Variants in NKAIN1 observed in about 807,000 individuals in gnomAD.
NKAIN1 encodes sodium/potassium-transporting ATPase subunit beta-1-interacting protein 1.
Under a neutral mutation model 31.6 loss-of-function variants are expected in NKAIN1, and 13 were observed. That is an observed-to-expected ratio of 0.41 (90% CI 0.27 to 0.65). NKAIN1 has a LOEUF of 0.65. NKAIN1 is among the 30% of genes least tolerant of loss of function. The pLI is 0.30. For missense variants in NKAIN1, 193 were observed against 262.2 expected (o/e 0.74, Z 1.82); for synonymous variants, 104 against 109.0 (o/e 0.95, Z 0.28).
chr1:31,208,283 CAGA>C (rs1376827564), intron 1 of NKAIN1, among the ~76,000 whole-genome samples: 3 of 152,158 alleles, frequency 2.0e-5, no homozygotes, highest in Non-Finnish European at 4.4e-5. Context: ...ATGCCTGGTA[CAGA>C]AGAAGCACCC....
At chr1:31,191,220 G>A (rs941251867) in intron 1 of NKAIN1, among the ~76,000 whole-genome samples, 2 of 151,848 alleles carry the variant, frequency 1.3e-5, no homozygotes, top group Non-Finnish European at 2.9e-5. Flanking sequence ...GAGCCTGGGA[G>A]GCAGAGGCTG....
chr1:31,185,201 G>T, intron 3 of NKAIN1, 46 bp downstream of exon 3: 2 of 1,497,492 alleles, frequency 1.3e-6, no homozygotes, highest in Non-Finnish European at 9.2e-7. Flanking sequence ...CAGGGGATGG[G>T]AATGGTCAGG....
rs933891959 is a variant in NKAIN1 at position 31,179,750 on chromosome 1, A to C, written c.*1953T>G. 3.3e-5 allele frequency: 5 copies of C among 152,232 alleles called. No individual in the cohort carries two copies. The highest frequency in any genetic ancestry group is 1.2e-4 in the African/African-American group (5 of 41,460). 9.4% of individuals were successfully genotyped at this position (152,232 alleles called of 1,614,324 possible). ...CAATGGGCAGGACAGGAAGATAGAG[A>C]AGAAAACACCATCTTTAATCAACCC... On this transcript the variant is annotated 3_prime_UTR_variant, in exon 7 of 7. Transcript: ENST00000373736.
intron 1 of NKAIN1, among the ~76,000 whole-genome samples, chr1:31,199,344 G>A (rs7545488): frequency 0.12 from 17,810 of 152,172 alleles, 1,439 homozygotes; most frequent in African/African-American, 0.21. Flanking sequence ...CATAAAGCTC[G>A]CAGCCAGCCG....
intron 1 of NKAIN1, among the ~76,000 whole-genome samples, chr1:31,230,401 CG>C (rs1645638730): frequency 6.6e-6 from 1 of 152,216 alleles, no homozygotes; most frequent in Non-Finnish European, 1.5e-5. Flanking sequence ...CCCCAAAGCC[CG>C]GGTTCTTCCC....
At chr1:31,207,056 T>G (rs1382902733) in intron 1 of NKAIN1, among the ~76,000 whole-genome samples, 2 of 152,204 alleles carry the variant, frequency 1.3e-5, no homozygotes, top group Non-Finnish European at 2.9e-5. Flanking sequence ...CTTTTTAAAC[T>G]GTGTAGTGCT....
At chr1:31,212,607 G>A (rs530862091) in intron 1 of NKAIN1, among the ~76,000 whole-genome samples, 1 of 152,158 alleles carries the variant, frequency 6.6e-6, no homozygotes, top group Non-Finnish European at 1.5e-5. Context: ...GTGTCACCAT[G>A]TTGCCCACAC....
intron 1 of NKAIN1, among the ~76,000 whole-genome samples, chr1:31,188,587 A>G (rs1645262189): frequency 6.6e-6 from 1 of 152,110 alleles, no homozygotes. Context: ...GCCCTGGCCC[A>G]TGGCATTCCT....
intron 1 of NKAIN1, among the ~76,000 whole-genome samples, chr1:31,222,163 C>T (rs1645569974): frequency 6.6e-6 from 1 of 152,220 alleles, no homozygotes; most frequent in Non-Finnish European, 1.5e-5. Context: ...AGGCGTGAGC[C>T]ACTGTGCCCA....
At chr1:31,208,007 C>T (rs545754277) in intron 1 of NKAIN1, among the ~76,000 whole-genome samples, 13 of 152,254 alleles carry the variant, frequency 8.5e-5, no homozygotes, top group African/African-American at 3.1e-4. Context: ...ACTAGCTCTC[C>T]TGGTCCACAG....
At chr1:31,229,768 C>T (rs1645632131) in intron 1 of NKAIN1, among the ~76,000 whole-genome samples, 1 of 152,138 alleles carries the variant, frequency 6.6e-6, no homozygotes, top group African/African-American at 2.4e-5. Context: ...GTCACCACTG[C>T]CTGCAACAAG....
intron 1 of NKAIN1, among the ~76,000 whole-genome samples, chr1:31,194,508 G>A (rs1645309054): frequency 6.8e-6 from 1 of 147,060 alleles, no homozygotes; most frequent in African/African-American, 2.5e-5. Context: ...CCGGGTTCAA[G>A]TGATTCTCCT....
intron 1 of NKAIN1, among the ~76,000 whole-genome samples, chr1:31,218,036 C>CTT (rs34251716): frequency 0.2 from 24,895 of 126,774 alleles, 2,877 homozygotes; most frequent in African/African-American, 0.31. Context: ...TTCTTTCTTT[C>CTT]TTTCTTTCTT....
chr1:31,209,902 C>T (rs890224910), intron 1 of NKAIN1, among the ~76,000 whole-genome samples: 2 of 151,188 alleles, frequency 1.3e-5, no homozygotes, highest in Non-Finnish European at 2.9e-5. Context: ...TGGGAGGATC[C>T]CTTGAGCCCA....
At chr1:31,217,946 C>T (rs1172233302) in intron 1 of NKAIN1, among the ~76,000 whole-genome samples, 1 of 152,076 alleles carries the variant, frequency 6.6e-6, no homozygotes, top group Non-Finnish European at 1.5e-5. Context: ...ATGATTTATG[C>T]TTCATAGGCA....
intron 3 of NKAIN1, 111 bp downstream of exon 3, chr1:31,185,132 GGAGA>G (rs1371966218): frequency 1.3e-6 from 1 of 787,174 alleles, no homozygotes; most frequent in Non-Finnish European, 2.1e-6. Context: ...GGGCATGTAA[GGAGA>G]GAGAGACTTC....
intron 1 of NKAIN1, among the ~76,000 whole-genome samples, chr1:31,209,502 C>G (rs1645450729): frequency 6.6e-6 from 1 of 152,096 alleles, no homozygotes; most frequent in Non-Finnish European, 1.5e-5. Context: ...AAGGGAGTCT[C>G]CTGGAACTCT....
intron 1 of NKAIN1, among the ~76,000 whole-genome samples, chr1:31,238,800 G>A (rs1049331585): frequency 6.6e-6 from 1 of 152,148 alleles, no homozygotes; most frequent in Non-Finnish European, 1.5e-5. Flanking sequence ...GTCCAGGCTG[G>A]GTCAGGCTGG....
chr1:31,187,083 TC>T (rs776514176), intron 2 of NKAIN1, among the ~76,000 whole-genome samples: 2 of 152,150 alleles, frequency 1.3e-5, no homozygotes, highest in Non-Finnish European at 2.9e-5. Flanking sequence ...TTCTCTTATG[TC>T]AGATGAGAGA....
Sources: gnomAD v4.1 joint callset for allele counts (sites outside exome capture counted in the v4.1 genomes callset) on GRCh38, gnomAD v4.1.1 for gene constraint, MANE v1.5 for transcripts, NCBI Gene and HGNC (gene_info 2026-07-23, HGNC 2026-07-21) for gene names.